The following MEI4 variants were observed in gnomAD, a reference collection of about 807,000 sequenced individuals.
MEI4 encodes meiotic double-stranded break formation protein 4, also known as meiosis-specific protein MEI4.
In MEI4, 27 loss-of-function variants were observed where a neutral mutation model predicts 31.4. The observed-to-expected ratio is 0.86, with a 90% CI of 0.63 to 1.19. The LOEUF is 1.19. Ranked by LOEUF, MEI4 falls within the 50% of genes most tolerant of loss-of-function variation. MEI4 has a pLI of 0.00. For synonymous variants in MEI4, 122 were observed against 145.4 expected (o/e 0.84, Z 1.16); for missense variants, 329 against 398.9 (o/e 0.82, Z 1.49).
intron 2 of MEI4, among the ~76,000 whole-genome samples, chr6:77,703,335 G>A (rs1325101058): frequency 2.6e-5 from 4 of 152,170 alleles, no homozygotes; most frequent in African/African-American, 4.8e-5. Flanking sequence ...AGTAGGGTGA[G>A]TATTAGAGCT....
intron 4 of MEI4, among the ~76,000 whole-genome samples, chr6:77,858,807 A>AT (rs5877572): frequency 0.4 from 59,697 of 149,714 alleles, 12,975 homozygotes; most frequent in South Asian, 0.55. Context: ...ATATACTACA[A>AT]TTTTTTTTTT....
At chr6:77,822,785 A>ATT (rs1329648669) in intron 3 of MEI4, among the ~76,000 whole-genome samples, 3 of 146,098 alleles carry the variant, frequency 2.1e-5, no homozygotes, top group African/African-American at 7.5e-5. Flanking sequence ...ACTCCTGGCT[A>ATT]TTTTTTTTTT....
chr6:77,690,322 G>A (rs972866322), intron 1 of MEI4, among the ~76,000 whole-genome samples: 2 of 151,968 alleles, frequency 1.3e-5, no homozygotes, highest in African/African-American at 4.8e-5. Context: ...TTTTGAGGGA[G>A]TATATTTTGA....
chr6:77,807,297 G>T (rs187593633), intron 3 of MEI4, among the ~76,000 whole-genome samples: 38 of 152,092 alleles, frequency 2.5e-4, no homozygotes, highest in African/African-American at 8.7e-4. Flanking sequence ...AGAGCAGAGA[G>T]AATATAATTT....
chr6:77,667,623 C>T (rs1339105047), intron 1 of MEI4, among the ~76,000 whole-genome samples: 1 of 151,998 alleles, frequency 6.6e-6, no homozygotes, highest in Non-Finnish European at 1.5e-5. Flanking sequence ...GGAGAAAGAC[C>T]CCCAAATGGC....
chr6:77,731,685 A>G (rs906717428), intron 2 of MEI4, among the ~76,000 whole-genome samples: 4 of 151,292 alleles, frequency 2.6e-5, no homozygotes, highest in Non-Finnish European at 4.4e-5. Flanking sequence ...TTGGTGTTTT[A>G]GACATGAAGT....
chr6:77,757,950 G>C (rs1199148992), intron 2 of MEI4, among the ~76,000 whole-genome samples: 1 of 152,064 alleles, frequency 6.6e-6, no homozygotes, highest in Admixed American at 6.6e-5. Flanking sequence ...AGGGTCAAGA[G>C]ATCGAGACCA....
chr6:77,653,634 A>C (rs543073799), intron 1 of MEI4, among the ~76,000 whole-genome samples: 1 of 152,174 alleles, frequency 6.6e-6, no homozygotes, highest in South Asian at 2.1e-4. Flanking sequence ...TTTATCAGAG[A>C]AAAGGATCTT....
rs988948768 is a variant in MEI4, at chr6:77,923,094, A to G, written c.906A>G (p.Gln302=). 8.1e-7 allele frequency: 1 copy of G among 1,229,988 alleles called. No homozygotes were observed. Among genetic ancestry groups the G allele is most frequent in the Non-Finnish European group, 1.0e-6 (1 of 986,494 alleles). 76.2% of individuals were successfully genotyped at this position (1,229,988 alleles called of 1,614,324 possible). The change falls in exon 5 of 5, where the codon CAA becomes CAG. Residue 302 remains glutamine (Q), a synonymous_variant. Transcript: ENST00000684080. The stretch of plus-strand genomic sequence containing the variant: ...AGTTTGTTGTTTATTTGTAGGAGCA[A>G]GCCAGTTATGATGTGTCACGCTATG... ...ADDLGAINQE[Q]ASYDVSRYEN...
At chr6:77,778,047 G>T (rs1013394578) in intron 3 of MEI4, among the ~76,000 whole-genome samples, 1 of 150,814 alleles carries the variant, frequency 6.6e-6, no homozygotes, top group African/African-American at 2.4e-5. Flanking sequence ...ACATGGCTTG[G>T]CTGTGTGTAG....
intron 3 of MEI4, among the ~76,000 whole-genome samples, chr6:77,773,612 G>T (rs561921154): frequency 6.6e-6 from 1 of 152,090 alleles, no homozygotes; most frequent in South Asian, 2.1e-4. Flanking sequence ...CTGGGCAAAG[G>T]TTTCTTGAGT....
intron 4 of MEI4, among the ~76,000 whole-genome samples, chr6:77,890,677 G>T (rs1267552742): frequency 6.6e-6 from 1 of 152,092 alleles, no homozygotes; most frequent in African/African-American, 2.4e-5. Context: ...GAATGATATG[G>T]TTTGGCTATG....
At chr6:77,848,848 C>T (rs1196778330) in intron 4 of MEI4, among the ~76,000 whole-genome samples, 1 of 152,058 alleles carries the variant, frequency 6.6e-6, no homozygotes, top group African/African-American at 2.4e-5. Flanking sequence ...CTTTCAAAAC[C>T]ATATTGTTGT....
At chr6:77,666,012 A>G (rs1414899974) in intron 1 of MEI4, among the ~76,000 whole-genome samples, 3 of 152,212 alleles carry the variant, frequency 2.0e-5, no homozygotes, top group Non-Finnish European at 2.9e-5. Context: ...ATGTGTGTCC[A>G]TGTAAAGAGA....
intron 4 of MEI4, among the ~76,000 whole-genome samples, chr6:77,851,799 C>T (rs145427952): frequency 1.3e-5 from 2 of 151,732 alleles, no homozygotes; most frequent in African/African-American, 4.8e-5. Flanking sequence ...GAAAAAAAAG[C>T]AGGGATTTGA....
At chr6:77,669,475 T>A (rs1170712507) in intron 1 of MEI4, among the ~76,000 whole-genome samples, 1 of 152,200 alleles carries the variant, frequency 6.6e-6, no homozygotes, top group Non-Finnish European at 1.5e-5. Context: ...ATGAAATGAT[T>A]AGGCTAAGAA....
intron 1 of MEI4, among the ~76,000 whole-genome samples, chr6:77,690,415 T>A (rs1015660490): frequency 6.6e-6 from 1 of 152,028 alleles, no homozygotes; most frequent in African/African-American, 2.4e-5. Context: ...TCCCAAGAAG[T>A]TGTCAAATTG....
intron 2 of MEI4, among the ~76,000 whole-genome samples, chr6:77,747,922 C>A (rs1425585784): frequency 6.6e-6 from 1 of 152,208 alleles, no homozygotes; most frequent in Non-Finnish European, 1.5e-5. Context: ...GAGAAATTGA[C>A]CAAAACAAAG....
chr6:77,753,962 G>A (rs1767848460), intron 2 of MEI4, among the ~76,000 whole-genome samples: 1 of 152,126 alleles, frequency 6.6e-6, no homozygotes, highest in Non-Finnish European at 1.5e-5. Context: ...GGACATGGAT[G>A]AAGCTGGAAA....
Sources: gnomAD v4.1 joint callset for allele counts (sites outside exome capture counted in the v4.1 genomes callset) on GRCh38, gnomAD v4.1.1 for gene constraint, MANE v1.5 for transcripts, NCBI Gene and HGNC (gene_info 2026-07-23, HGNC 2026-07-21) for gene names.